The following ASB14 variants were observed in gnomAD, a reference collection of about 807,000 sequenced individuals.
The protein encoded by ASB14 is ankyrin repeat and SOCS box containing 14.
A neutral mutation model predicts 55.6 loss-of-function variants in ASB14; 63 were observed. The observed-to-expected ratio is 1.13, with a 90% CI of 0.92 to 1.40. The LOEUF (loss-of-function observed/expected upper bound fraction) is 1.40, where lower values mean the gene tolerates loss of function less well. Ranked by LOEUF, ASB14 falls within the 40% of genes most tolerant of loss-of-function variation. ASB14 has a pLI of 0.00. For missense variants in ASB14, 724 were observed against 710.4 expected (o/e 1.02, Z -0.22); for synonymous variants, 256 against 259.9 (o/e 0.98, Z 0.15).
chr3:57,287,845 G>A (rs942897969), intron 5 of ASB14, 56 bp downstream of exon 5: 1 of 1,501,286 alleles, frequency 6.7e-7, no homozygotes, highest in Non-Finnish European at 8.9e-7. Context: ...TGAAACCTGG[G>A]GGCATGAAGG....
At chr3:57,284,094 A>ATATGTGTGTGTGTGTGTGTGTGTGTG (rs1553640085) in intron 5 of ASB14, among the ~76,000 whole-genome samples, 3 of 136,542 alleles carry the variant, frequency 2.2e-5, no homozygotes, top group African/African-American at 8.4e-5. Flanking sequence ...AACACTGTGT[A>ATATGTGTGTGTGTGTGTGTGTGTGTG]TGTGTGTGTG....
intron 9 of ASB14, among the ~76,000 whole-genome samples, chr3:57,277,560 T>C (rs1386242655): frequency 3.3e-5 from 5 of 152,174 alleles, no homozygotes; most frequent in Non-Finnish European, 7.3e-5. Flanking sequence ...ATATAATAAG[T>C]AGTTACCTAA....
chr3:57,279,044 CA>C (rs797006707), intron 7 of ASB14, 124 bp from the exon 8 acceptor site: 10,126 of 683,862 alleles, frequency 0.015, no homozygotes, highest in South Asian at 0.023. Context: ...AACCCACAAC[CA>C]AAAAAAAAAG....
At chr3:57,287,860 T>C (rs2061092054) in intron 5 of ASB14, 41 bp downstream of exon 5, 11 of 1,527,024 alleles carry the variant, frequency 7.2e-6, no homozygotes, top group Non-Finnish European at 9.6e-6. Context: ...TGAAGGAGAC[T>C]CAGTGCCACA....
At chr3:57,272,254 C>T (rs1231236951) in intron 10 of ASB14, 3 of 152,180 alleles carry the variant, frequency 2.0e-5, no homozygotes, top group Non-Finnish European at 2.9e-5. Context: ...GTTATTCCTT[C>T]TACCTTTAAA....
At position 57,283,203 on chromosome 3, in the gene ASB14, G is replaced by A; in HGVS notation, c.706C>T (p.Leu236=). Residue 236 remains leucine, a synonymous_variant, in exon 6 of 11, where the codon CTG becomes TTG. Transcript: ENST00000487349. ...SGHTEIMEML[L]RKGANAHGQA... Reference sequence around the variant, plus strand: ...AAACAGAAGATCTTGCCTTTCCGCAGTAACATTTCCATGATTTCAGTGTGT... The same window carrying A: ...AAACAGAAGATCTTGCCTTTCCGCAATAACATTTCCATGATTTCAGTGTGT... 6.4e-7 allele frequency: 1 copy of A among 1,552,220 alleles called. No individual in the cohort carries two copies. Among genetic ancestry groups the A allele is most frequent in the Non-Finnish European group, 8.7e-7 (1 of 1,147,034 alleles).
At chr3:57,288,745 C>T (rs1373840708) in intron 3 of ASB14, among the ~76,000 whole-genome samples, 7 of 128,418 alleles carry the variant, frequency 5.5e-5, no homozygotes, top group Admixed American at 4.2e-4. Context: ...GACGGAGTCT[C>T]GCTCTGTTGC....
chr3:57,279,188 A>T (rs2061015917), intron 7 of ASB14, among the ~76,000 whole-genome samples: 1 of 148,876 alleles, frequency 6.7e-6, no homozygotes, highest in South Asian at 2.1e-4. Flanking sequence ...AAAAAGTTTT[A>T]TATCTCTTCG....
rs2061093541 is a variant in ASB14 at position 57,287,970 on chromosome 3, T to G, written c.400A>C (p.Thr134Pro). 1.3e-6 allele frequency: 2 copies of G among 1,537,256 alleles called. No homozygotes were observed. The highest frequency in any genetic ancestry group is 1.7e-6 in the Non-Finnish European group (2 of 1,146,890). The change falls in exon 5 of 11, where the codon ACT becomes CCT. Residue 134 changes from threonine (T) to proline (P), a missense_variant. Thr to Pro is a conservative substitution (Grantham distance 38). Transcript: ENST00000487349. Reference protein sequence around the residue: ...AVSSCLLENATFLLLNGCNPN... With the variant: ...AVSSCLLENAPFLLLNGCNPN... ...TTGCAGCCATTGAGAAGAAGAAAAG[T>G]GGCATTTTCTAAGAGGCAACTGCTG... is the stretch of plus-strand genomic sequence containing the variant.
In ASB14 at chr3:57,276,588, C is replaced by G; in HGVS notation, c.1726G>C (p.Asp576His). The change falls in exon 10 of 11, where the codon GAC becomes CAC. Residue 576 changes from aspartate to histidine, a missense_variant. By Grantham distance (81) the Asp-to-His change is moderately conservative (BLOSUM62 -1). Coordinates refer to ENST00000487349, the MANE Select transcript of ASB14 (RefSeq NM_001142733.3). ...LKAYVLYKEY[D>H]LYGQGIFTGT... ...GTAAAAATTCCTTGTCCATAAAGGT[C>G]GTATTCTTTGTAAAGGACATATGCT... The G allele has an allele frequency of 6.2e-7, 1 of 1,613,122 alleles. No individual in the cohort carries two copies. The highest frequency in any genetic ancestry group is 8.5e-7 in the Non-Finnish European group (1 of 1,179,470).
intron 5 of ASB14, among the ~76,000 whole-genome samples, chr3:57,284,596 C>T (rs2061065834): frequency 6.6e-6 from 1 of 152,202 alleles, no homozygotes; most frequent in East Asian, 1.9e-4. Flanking sequence ...ATCATTTGAC[C>T]TACCAGATAG....
rs956816751 is a variant in ASB14 at position 57,288,301 on chromosome 3, A to G, written c.179-15T>C. On this transcript the variant is annotated splice_polypyrimidine_tract_variant and intron_variant, in intron 3 of 10. Coordinates refer to ENST00000487349, the MANE Select transcript of ASB14 (RefSeq NM_001142733.3). Reference sequence around the variant, plus strand: ...ATCTTCCTTACCTATTAACGAGTCAAATGAGAACAGATTCACATTTGGCAC... The same window carrying G: ...ATCTTCCTTACCTATTAACGAGTCAGATGAGAACAGATTCACATTTGGCAC... 2.7e-5 allele frequency: 42 copies of G among 1,536,214 alleles called. No homozygotes were observed. Among genetic ancestry groups the G allele is most frequent in the Non-Finnish European group, 3.5e-5 (40 of 1,146,438 alleles).
chr3:57,270,673 T>G (rs866828127), intron 10 of ASB14: 26 of 152,654 alleles, frequency 1.7e-4, no homozygotes, highest in African/African-American at 5.3e-4. Context: ...GACTGATATA[T>G]TCCCAGTATT....
chr3:57,273,868 C>T (rs1400290006), intron 10 of ASB14, among the ~76,000 whole-genome samples: 3 of 152,052 alleles, frequency 2.0e-5, no homozygotes, highest in Admixed American at 2.0e-4. Context: ...TTACTTTCTT[C>T]TGGGATTTAG....
In ASB14 at chr3:57,283,235, T is replaced by C; in HGVS notation, c.674A>G (p.Gln225Arg). The change falls in exon 6 of 11, where the codon CAA becomes CGA. Residue 225 changes from glutamine (Q) to arginine (R), a missense_variant. Transcript: ENST00000487349. Reference protein sequence around the residue: ...YGFTPLALAAQSGHTEIMEML... With the variant: ...YGFTPLALAARSGHTEIMEML... Reference sequence around the variant, plus strand: ...TTCCATGATTTCAGTGTGTCCACTTTGGGCAGCAAGAGCAAGAGGAGTGAA... The same window carrying C: ...TTCCATGATTTCAGTGTGTCCACTTCGGGCAGCAAGAGCAAGAGGAGTGAA... The C allele has an allele frequency of 6.4e-7, 1 of 1,552,160 alleles. No individual in the cohort carries two copies. Among genetic ancestry groups the C allele is most frequent in the African/African-American group, 1.4e-5 (1 of 73,174 alleles).
In ASB14 at chr3:57,268,670, TA is replaced by T. The variant is rs577977511; in HGVS notation, c.*970del. The T allele has an allele frequency of 1.3e-4, 60 of 477,278 alleles. 1 individual carries two copies. Among genetic ancestry groups the T allele is most frequent in the African/African-American group, 1.2e-3 (59 of 51,174 alleles). 29.6% of individuals were successfully genotyped at this position (477,278 alleles called of 1,614,324 possible). The stretch of plus-strand genomic sequence containing the variant: ...CTGTTTTTTGATATGATGTTTACAT[TA>T]TAGTTACGTTGACATGTAATATGAC... On this transcript the variant is annotated 3_prime_UTR_variant, in exon 11 of 11. Coordinates refer to ENST00000487349, the MANE Select transcript of ASB14 (RefSeq NM_001142733.3).
chr3:57,279,277 T>C (rs903709114), intron 7 of ASB14, among the ~76,000 whole-genome samples: 11 of 141,086 alleles, frequency 7.8e-5, no homozygotes, highest in African/African-American at 1.3e-4. Flanking sequence ...TTTTTTTTTT[T>C]TTTTTTTTTT....
chr3:57,277,708 C>A, intron 9 of ASB14, 59 bp downstream of exon 9: 2 of 1,454,770 alleles, frequency 1.4e-6, no homozygotes, highest in Non-Finnish European at 1.9e-6. Flanking sequence ...TCTAAAACAA[C>A]CAAATAAGAA....
At chr3:57,286,020 C>G (rs1274016417) in intron 5 of ASB14, among the ~76,000 whole-genome samples, 4 of 152,134 alleles carry the variant, frequency 2.6e-5, no homozygotes, top group African/African-American at 2.4e-5. Flanking sequence ...CTGAAAATAT[C>G]TTTTATGTCT....
Sources: gnomAD v4.1 joint callset for allele counts (sites outside exome capture counted in the v4.1 genomes callset) on GRCh38, gnomAD v4.1.1 for gene constraint, MANE v1.5 for transcripts, NCBI Gene and HGNC (gene_info 2026-07-23, HGNC 2026-07-21) for gene names.